Variants in AGAP1 observed in about 807,000 individuals in gnomAD.
AGAP1 encodes the protein arf-GAP with GTPase, ANK repeat and PH domain-containing protein 1.
In AGAP1, 29 loss-of-function variants were observed where a neutral mutation model predicts 105.3. That is an observed-to-expected ratio of 0.28 (90% CI 0.21 to 0.38). AGAP1 has a LOEUF of 0.38. Among genes scored for constraint, AGAP1 ranks in the 10% least tolerant of loss-of-function variants. The pLI, the probability that AGAP1 is intolerant of heterozygous loss-of-function variation, is 1.00. For synonymous variants in AGAP1, 509 were observed against 485.9 expected, an observed-to-expected ratio of 1.05 and a Z score of -0.63; for missense variants, 998 against 1,165.1, an observed-to-expected ratio of 0.86 and a Z score of 2.09.
chr2:235,807,491 T>G (rs1164901628), intron 9 of AGAP1, among the ~76,000 whole-genome samples, 160 bp downstream of exon 9: 1 of 152,252 alleles, frequency 6.6e-6, no homozygotes, highest in East Asian at 1.9e-4. Context: ...CCTGTGTGTA[T>G]TCAAATGGGA....
chr2:235,607,758 T>C (rs1190711253), intron 1 of AGAP1, among the ~76,000 whole-genome samples: 1 of 151,892 alleles, frequency 6.6e-6, no homozygotes, highest in African/African-American at 2.4e-5. Context: ...CTCCTGGAGG[T>C]GGAAGGGCAG....
intron 13 of AGAP1, among the ~76,000 whole-genome samples, chr2:235,996,872 C>T (rs1201314853): frequency 6.6e-6 from 1 of 152,208 alleles, no homozygotes. Flanking sequence ...AGAGATTAAT[C>T]CTTGCCAATT....
rs554806628 is a variant in AGAP1 at position 235,989,949 on chromosome 2, G to A, written c.1645+21326G>A. Reference sequence around the variant, plus strand: ...GTTTAGATCATTCAAATGCGTAGCCGGGGTTGGGAACCAGTGGTTTAGGTT... The same window carrying A: ...GTTTAGATCATTCAAATGCGTAGCCAGGGTTGGGAACCAGTGGTTTAGGTT... On this transcript the variant is annotated intron_variant, in intron 13 of 17. Transcript: ENST00000304032. The surrounding 1 kb of genome is among the most constrained non-coding windows in gnomAD (Gnocchi z 4.4). Among the ~76,000 whole-genome samples, 51 of 152,198 alleles carry A rather than the reference G, an allele frequency of 3.4e-4. No individual in the cohort carries two copies. Among genetic ancestry groups the A allele is most frequent in the South Asian group, 2.1e-4 (1 of 4,822 alleles).
At position 236,113,431 on chromosome 2, in the gene AGAP1, G is replaced by A. The variant is rs1417984988; in HGVS notation, c.2115-6761G>A. On this transcript the variant is annotated intron_variant, in intron 16 of 17. Coordinates refer to ENST00000304032, the MANE Select transcript of AGAP1 (RefSeq NM_001037131.3). The surrounding 1 kb of genome is among the most constrained non-coding windows in gnomAD (Gnocchi z 4.3). ...TGGGATTACAGTCATGAGCCACCATGCCCGGCTGGAGTTTGTTTTTTAAAA... is the reference window on the plus strand; with the variant it reads ...TGGGATTACAGTCATGAGCCACCATACCCGGCTGGAGTTTGTTTTTTAAAA... 1.3e-5 allele frequency among the ~76,000 whole-genome samples: 2 copies of A among 152,190 alleles called. No homozygotes were observed. Among genetic ancestry groups the A allele is most frequent in the African/African-American group, 2.4e-5 (1 of 41,460 alleles).
At chr2:235,884,329 C>T (rs974095365) in intron 10 of AGAP1, among the ~76,000 whole-genome samples, 1 of 152,006 alleles carries the variant, frequency 6.6e-6, no homozygotes, top group African/African-American at 2.4e-5. Context: ...ATCCTCTATA[C>T]TTTTAAGTCA....
chr2:235,608,922 A>G lies in AGAP1; in HGVS notation c.164-100257A>G, dbSNP rs1465913054. Among the ~76,000 whole-genome samples the G allele has an allele frequency of 6.7e-6, 1 of 149,784 alleles. No homozygotes were observed. The highest frequency in any genetic ancestry group is 2.5e-5 in the African/African-American group (1 of 40,622). On this transcript the variant is annotated intron_variant, in intron 1 of 17. Transcript: ENST00000304032. The surrounding 1 kb of genome is among the most constrained non-coding windows in gnomAD (Gnocchi z 5.4). ...TCAGCTTGTTCTTGACTTCCCCCCC[A>G]TCCCTAATACCCCCAACTATGCAAA...
In AGAP1 at chr2:235,557,370, T is replaced by C. The variant is rs1574841583; in HGVS notation, c.163+62521T>C. On this transcript the variant is annotated intron_variant, in intron 1 of 17. Transcript: ENST00000304032. This position sits in a 1 kb window ranked among gnomAD's most constrained non-coding sequence, Gnocchi z 4.7. ...ATTTAAGACTGGAAAGGCTTGTCCA[T>C]GTATCGCCGTTGGGAAGGGAAATCA... Among the ~76,000 whole-genome samples, 2 of 152,176 alleles carry C rather than the reference T, an allele frequency of 1.3e-5. No homozygotes were observed. Among genetic ancestry groups the C allele is most frequent in the East Asian group, 3.9e-4 (2 of 5,180 alleles).
At chr2:235,667,873 C>T (rs1269912700) in intron 1 of AGAP1, among the ~76,000 whole-genome samples, 1 of 145,048 alleles carries the variant, frequency 6.9e-6, no homozygotes, top group Non-Finnish European at 1.5e-5. Context: ...ACAGGAGAAT[C>T]ACTTGAACCC....
rs1255500097 is a variant in AGAP1 at position 235,777,379 on chromosome 2, C to T, written c.674-20380C>T. 6.6e-6 allele frequency among the ~76,000 whole-genome samples: 1 copy of T among 152,158 alleles called. No homozygotes were observed. Among genetic ancestry groups the T allele is most frequent in the Non-Finnish European group, 1.5e-5 (1 of 68,026 alleles). On this transcript the variant is annotated intron_variant, in intron 6 of 17. Coordinates refer to ENST00000304032, the MANE Select transcript of AGAP1 (RefSeq NM_001037131.3). The surrounding 1 kb of genome is among the most constrained non-coding windows in gnomAD (Gnocchi z 5.1). ...AAAAAGACAAAAGTGATTTCCTGAG[C>T]TGCTCCGAGCTGGAGACAGAACCAG...
In AGAP1 at chr2:235,729,292, G is replaced by C. The variant is rs1028838138; in HGVS notation, c.310+11648G>C. Among the ~76,000 whole-genome samples the C allele has an allele frequency of 6.6e-6, 1 of 152,156 alleles. No homozygotes were observed. The highest frequency in any genetic ancestry group is 2.4e-5 in the African/African-American group (1 of 41,392). On this transcript the variant is annotated intron_variant, in intron 3 of 17. Coordinates refer to ENST00000304032, the MANE Select transcript of AGAP1 (RefSeq NM_001037131.3). The surrounding 1 kb of genome is among the most constrained non-coding windows in gnomAD (Gnocchi z 5.0). ...ACTGATTCCCAGGTGTGTTTGGGCC[G>C]TCTAGAACCATGTGACCTGGCAGCC... is the stretch of plus-strand genomic sequence containing the variant.
chr2:235,514,438 C>T (rs1481026060), intron 1 of AGAP1, among the ~76,000 whole-genome samples: 1 of 152,272 alleles, frequency 6.6e-6, no homozygotes, highest in East Asian at 1.9e-4. Context: ...CGTGGCCCTG[C>T]CTGCTCTCCA....
chr2:235,702,976 G>GGA (rs1317951678), intron 1 of AGAP1, among the ~76,000 whole-genome samples: 2 of 120,558 alleles, frequency 1.7e-5, no homozygotes, highest in Non-Finnish European at 3.3e-5. Flanking sequence ...CACTCAGGCT[G>GGA]GAGTGCAGTG....
intron 1 of AGAP1, among the ~76,000 whole-genome samples, chr2:235,527,561 C>T (rs190763704): frequency 7.2e-5 from 11 of 152,106 alleles, no homozygotes; most frequent in Admixed American, 2.6e-4. Flanking sequence ...TTATTTTTTG[C>T]GTTTTTTTGT....
intron 16 of AGAP1, among the ~76,000 whole-genome samples, chr2:236,067,266 A>G (rs1455042087): frequency 6.6e-6 from 1 of 152,188 alleles, no homozygotes; most frequent in African/African-American, 2.4e-5. Flanking sequence ...GGATGATTTC[A>G]AGAATTAAAT....
chr2:235,504,661 T>C (rs945480099), intron 1 of AGAP1, among the ~76,000 whole-genome samples: 5 of 152,172 alleles, frequency 3.3e-5, no homozygotes, highest in Non-Finnish European at 7.4e-5. Flanking sequence ...CTCTGTGGGT[T>C]GGACGTAGCT....
In AGAP1 at chr2:235,608,600, A is replaced by C. The variant is rs1336427539; in HGVS notation, c.164-100579A>C. Among the ~76,000 whole-genome samples the C allele has an allele frequency of 2.6e-5, 4 of 152,178 alleles. No individual in the cohort carries two copies. Among genetic ancestry groups the C allele is most frequent in the African/African-American group, 9.7e-5 (4 of 41,436 alleles). ...GGACACTGGGGAGCCGATGATGCCC[A>C]GAGTGTCTGGGGGACGCATCCAGGG... On this transcript the variant is annotated intron_variant, in intron 1 of 17. Coordinates refer to ENST00000304032, the MANE Select transcript of AGAP1 (RefSeq NM_001037131.3). The surrounding 1 kb of genome is among the most constrained non-coding windows in gnomAD (Gnocchi z 5.4).
chr2:235,884,112 A>C (rs190605037), intron 10 of AGAP1, among the ~76,000 whole-genome samples: 2 of 152,354 alleles, frequency 1.3e-5, no homozygotes, highest in Admixed American at 1.3e-4. Context: ...GGGGTGTTCT[A>C]GTTTCATAGC....
intron 1 of AGAP1, chr2:235,670,612 C>T (rs1335524315): frequency 8.6e-6 from 5 of 579,180 alleles, no homozygotes; most frequent in South Asian, 2.0e-5. Flanking sequence ...CACTGGGCGG[C>T]GGAAGGCGCC....
Position 235,792,085 on chromosome 2 carries a change from AC to A in AGAP1, c.674-5673del, listed in dbSNP as rs544682200. ...TTATAATCCCTACCTAACAGTGCTT[AC>A]TCGGAATTGCTCCCCCGCCTCCCAA... On this transcript the variant is annotated intron_variant, in intron 6 of 17. Coordinates refer to ENST00000304032, the MANE Select transcript of AGAP1 (RefSeq NM_001037131.3). This position sits in a 1 kb window ranked among gnomAD's most constrained non-coding sequence, Gnocchi z 5.3. Among the ~76,000 whole-genome samples, 385 of 152,120 alleles carry A rather than the reference AC, an allele frequency of 2.5e-3. 2 individuals carry two copies. The highest frequency in any genetic ancestry group is 8.7e-3 in the African/African-American group (363 of 41,488).
Sources: allele counts gnomAD v4.1 joint callset (sites outside exome capture counted in the v4.1 genomes callset), GRCh38; gene constraint gnomAD v4.1.1; non-coding constraint Gnocchi (gnomAD v3.1); transcripts MANE v1.5; gene names NCBI Gene and HGNC (gene_info 2026-07-23, HGNC 2026-07-21).